The following SUMF1 variants were observed in gnomAD, a reference collection of about 807,000 sequenced individuals.
SUMF1 encodes formylglycine-generating enzyme.
A neutral mutation model predicts 47.6 loss-of-function variants in SUMF1; 48 were observed. That is an observed-to-expected ratio of 1.01 (90% CI 0.80 to 1.28). The LOEUF (loss-of-function observed/expected upper bound fraction) is 1.28. Among genes scored for constraint, SUMF1 ranks in the 50% most tolerant of loss-of-function variants. The pLI is 0.00. For missense variants in SUMF1, 571 were observed against 485.4 expected (o/e 1.18, Z -1.66); for synonymous variants, 230 against 192.1 (o/e 1.20, Z -1.63).
intron 8 of SUMF1, among the ~76,000 whole-genome samples, chr3:4,245,180 G>C (rs1367933440): frequency 2.0e-5 from 3 of 151,966 alleles, no homozygotes; most frequent in African/African-American, 7.2e-5. Flanking sequence ...CTATGGGTTG[G>C]AACATCCTCC....
At chr3:4,175,194 G>A (rs1035817401) in intron 8 of SUMF1, among the ~76,000 whole-genome samples, 1 of 152,144 alleles carries the variant, frequency 6.6e-6, no homozygotes, top group East Asian at 1.9e-4. Context: ...CTCCCAGCAT[G>A]GCGTTTGAGC....
At chr3:4,459,461 G>C (rs896429778) in intron 1 of SUMF1, among the ~76,000 whole-genome samples, 1 of 152,160 alleles carries the variant, frequency 6.6e-6, no homozygotes, top group African/African-American at 2.4e-5. Context: ...AATAACATCA[G>C]AAGAAACAGA....
chr3:4,391,349 T>C (rs1051946826), intron 7 of SUMF1, among the ~76,000 whole-genome samples: 1 of 152,216 alleles, frequency 6.6e-6, no homozygotes, highest in African/African-American at 2.4e-5. Context: ...CAGATTTTTC[T>C]TTCAAATTTT....
chr3:4,086,911 GGCCT>G (rs1692684565), intron 8 of SUMF1, among the ~76,000 whole-genome samples: 2 of 151,990 alleles, frequency 1.3e-5, no homozygotes, highest in Non-Finnish European at 2.9e-5. Context: ...ATGATTATGA[GGCCT>G]CCTCAGCCAT....
At chr3:4,147,795 G>A (rs1574926613) in intron 8 of SUMF1, among the ~76,000 whole-genome samples, 2 of 152,072 alleles carry the variant, frequency 1.3e-5, no homozygotes, top group South Asian at 2.1e-4. Context: ...CCAGCAGAAT[G>A]ATCATATCAA....
intron 8 of SUMF1, among the ~76,000 whole-genome samples, chr3:4,311,219 T>A (rs779473767): frequency 3.9e-5 from 6 of 152,162 alleles, no homozygotes; most frequent in Non-Finnish European, 8.8e-5. Flanking sequence ...TTTTTTAGTG[T>A]AGGGTTTTGC....
At chr3:4,217,369 T>G (rs1695948250) in intron 8 of SUMF1, among the ~76,000 whole-genome samples, 1 of 146,964 alleles carries the variant, frequency 6.8e-6, no homozygotes, top group Non-Finnish European at 1.5e-5. Flanking sequence ...TGTCAGGGGG[T>G]GAGGGGTTAG....
intron 8 of SUMF1, among the ~76,000 whole-genome samples, chr3:4,259,878 T>C (rs1194610223): frequency 7.6e-6 from 1 of 132,194 alleles, no homozygotes; most frequent in East Asian, 2.0e-4. Flanking sequence ...TATTACCATT[T>C]GTTTAAATTT....
At chr3:4,334,387 A>G (rs1699105736) in intron 8 of SUMF1, among the ~76,000 whole-genome samples, 1 of 152,182 alleles carries the variant, frequency 6.6e-6, no homozygotes, top group Non-Finnish European at 1.5e-5. Flanking sequence ...GACACATGAG[A>G]TGTCTCCAAA....
chr3:4,197,517 G>A (rs1165080141), intron 8 of SUMF1, among the ~76,000 whole-genome samples: 5 of 152,056 alleles, frequency 3.3e-5, no homozygotes, highest in Non-Finnish European at 7.4e-5. Flanking sequence ...TTTTGAGGAA[G>A]GAATAAACTT....
chr3:4,420,570 G>C (rs1373557080), intron 3 of SUMF1, among the ~76,000 whole-genome samples: 1 of 151,834 alleles, frequency 6.6e-6, no homozygotes, highest in South Asian at 2.1e-4. Context: ...CGAATTTTTT[G>C]TATTTTTACT....
At position 4,205,265 on chromosome 3, in the gene SUMF1, C is replaced by G. The variant is rs146176344; in HGVS notation, c.1015-136520G>C. Among the ~76,000 whole-genome samples, 4 of 152,264 alleles carry G rather than the reference C, an allele frequency of 2.6e-5. No individual in the cohort carries two copies. In the South Asian group the frequency reaches 8.3e-4, roughly 32 times the overall value. On this transcript the variant is annotated intron_variant and NMD_transcript_variant, in intron 8 of 12. Coordinates refer to the SUMF1 transcript ENST00000448413. The stretch of plus-strand genomic sequence containing the variant: ...TACTTTGTGAGATCCACCCCCTGCC[C>G]GCAAAACATTGCTCCAAACTCCACC...
chr3:4,248,134 C>T (rs1393339279), intron 8 of SUMF1, among the ~76,000 whole-genome samples: 2 of 152,016 alleles, frequency 1.3e-5, no homozygotes, highest in Non-Finnish European at 2.9e-5. Flanking sequence ...TATTTTTGTC[C>T]TGGGTAAGTC....
intron 8 of SUMF1, among the ~76,000 whole-genome samples, chr3:4,114,493 C>T (rs753281268): frequency 6.6e-6 from 1 of 152,114 alleles, no homozygotes; most frequent in Non-Finnish European, 1.5e-5. Flanking sequence ...ATATGCTGCC[C>T]TTATTGACTA....
chr3:4,372,461 A>G (rs185107473), intron 8 of SUMF1, among the ~76,000 whole-genome samples: 4 of 152,148 alleles, frequency 2.6e-5, no homozygotes, highest in Admixed American at 6.6e-5. Flanking sequence ...TGCCATGAAC[A>G]TTGCTTTTGC....
At chr3:4,410,345 G>A (rs532507688) in intron 7 of SUMF1, among the ~76,000 whole-genome samples, 1 of 152,096 alleles carries the variant, frequency 6.6e-6, no homozygotes, top group Non-Finnish European at 1.5e-5. Context: ...AAGGTGCATC[G>A]GTCTGACATA....
intron 8 of SUMF1, among the ~76,000 whole-genome samples, chr3:4,355,933 A>T (rs1430807781): frequency 6.6e-6 from 1 of 152,190 alleles, no homozygotes; most frequent in African/African-American, 2.4e-5. Flanking sequence ...CTTGGTACTA[A>T]TCCCTTGAAC....
chr3:4,404,868 T>G (rs1701326711), intron 7 of SUMF1, among the ~76,000 whole-genome samples: 1 of 152,146 alleles, frequency 6.6e-6, no homozygotes, highest in Non-Finnish European at 1.5e-5. Context: ...ACATACTAGG[T>G]ACTCAATGAA....
chr3:4,045,275 G>A (rs1694984158), intron 9 of SUMF1, among the ~76,000 whole-genome samples: 1 of 151,962 alleles, frequency 6.6e-6, no homozygotes, highest in African/African-American at 2.4e-5. Context: ...ATGCCAAGGA[G>A]TTCTAGCCTC....
Sources: gnomAD v4.1 joint callset for allele counts (sites outside exome capture counted in the v4.1 genomes callset) on GRCh38, gnomAD v4.1.1 for gene constraint, MANE v1.5 for transcripts, NCBI Gene and HGNC (gene_info 2026-07-23, HGNC 2026-07-21) for gene names.